The following EEIG1 variants were observed in gnomAD, a reference collection of about 807,000 sequenced individuals.
The protein encoded by EEIG1 is early estrogen-induced gene 1 protein.
At chr9:127,944,848 C>T in the EEIG1 span, 11 of 1,612,452 alleles carry the variant, frequency 6.8e-6, no homozygotes, top group Admixed American at 1.7e-5. Flanking sequence ...CGCATCGATC[C>T]GCGTGTCGTC....
the EEIG1 span, chr9:127,944,963 G>A: frequency 3.3e-3 from 5,087 of 1,561,272 alleles, 234 homozygotes; most frequent in East Asian, 0.09. Context: ...AGCACAGAAC[G>A]ACGACAATAA....
chr9:127,980,852 G>A, the EEIG1 span, among the ~76,000 whole-genome samples: 2 of 149,198 alleles, frequency 1.3e-5, no homozygotes, highest in East Asian at 3.9e-4. Context: ...CGCGCCGCGG[G>A]CCCCGGCGGA....
the EEIG1 span, chr9:127,944,210 G>A: frequency 7.6e-6 from 2 of 263,142 alleles, no homozygotes; most frequent in Non-Finnish European, 1.5e-5. Context: ...GTGCCTAGCT[G>A]GTGCTAGGGA....
chr9:127,942,734 G>A, the EEIG1 span: 1 of 178,126 alleles, frequency 5.6e-6, no homozygotes, highest in Admixed American at 5.6e-5. Flanking sequence ...GGGAACAACG[G>A]AGCAAGGCCC....
the EEIG1 span, among the ~76,000 whole-genome samples, chr9:127,964,207 T>C: frequency 1.3e-5 from 2 of 152,308 alleles, no homozygotes; most frequent in East Asian, 3.9e-4. Flanking sequence ...ACCCATCACA[T>C]GGGGCTGTTG....
chr9:127,972,205 A>G, the EEIG1 span, among the ~76,000 whole-genome samples: 1 of 152,074 alleles, frequency 6.6e-6, no homozygotes, highest in Non-Finnish European at 1.5e-5. The surrounding 1 kb of genome is among the most constrained non-coding windows in gnomAD (Gnocchi z 4.3). Flanking sequence ...ACAGCCAAGC[A>G]TCTCCCTGTG....
chr9:127,968,342 C>T, the EEIG1 span, among the ~76,000 whole-genome samples: 2 of 152,138 alleles, frequency 1.3e-5, no homozygotes, highest in Admixed American at 1.3e-4. Flanking sequence ...CCCTCCATCC[C>T]AGCCCATCCC....
chr9:127,976,118 T>C, the EEIG1 span, among the ~76,000 whole-genome samples: 2 of 152,292 alleles, frequency 1.3e-5, no homozygotes, highest in African/African-American at 4.8e-5. This position sits in a 1 kb window ranked among gnomAD's most constrained non-coding sequence, Gnocchi z 4.1. Flanking sequence ...ACCCAATCCA[T>C]GGAATGGAGC....
chr9:127,944,918 G>T, the EEIG1 span: 1 of 1,607,406 alleles, frequency 6.2e-7, no homozygotes, highest in Non-Finnish European at 8.5e-7. Flanking sequence ...GTCGTGGGGG[G>T]ACAAGTCACA....
chr9:127,949,950 C>T, the EEIG1 span, among the ~76,000 whole-genome samples: 708 of 152,350 alleles, frequency 4.6e-3, 35 homozygotes, highest in East Asian at 0.084. Context: ...CAGGCTACCA[C>T]GTGTCACTTG....
At chr9:127,971,020 G>A in the EEIG1 span, among the ~76,000 whole-genome samples, 1 of 152,162 alleles carries the variant, frequency 6.6e-6, no homozygotes. Context: ...AATTTGTCTG[G>A]GGGGAGCCTA....
At chr9:127,952,944 T>C in the EEIG1 span, among the ~76,000 whole-genome samples, 1 of 152,254 alleles carries the variant, frequency 6.6e-6, no homozygotes, top group Non-Finnish European at 1.5e-5. Context: ...CTTGAACTCC[T>C]GAGCTCAGGC....
At chr9:127,950,670 C>T in the EEIG1 span, 7 of 1,454,328 alleles carry the variant, frequency 4.8e-6, no homozygotes, top group Admixed American at 1.0e-4. Flanking sequence ...CCCACAGCCT[C>T]GACTGACTGT....
At chr9:127,973,687 C>T in the EEIG1 span, among the ~76,000 whole-genome samples, 1 of 152,340 alleles carries the variant, frequency 6.6e-6, no homozygotes, top group South Asian at 2.1e-4. This position sits in a 1 kb window ranked among gnomAD's most constrained non-coding sequence, Gnocchi z 4.2. Context: ...CAGCAGATGG[C>T]CTGGTACCAC....
chr9:127,975,302 T>A, the EEIG1 span, among the ~76,000 whole-genome samples: 1 of 152,092 alleles, frequency 6.6e-6, no homozygotes, highest in African/African-American at 2.4e-5. Flanking sequence ...GCAGGCAGCA[T>A]CTTTGTGGTG....
chr9:127,980,073 G>C, the EEIG1 span: 19 of 1,613,896 alleles, frequency 1.2e-5, no homozygotes, highest in Admixed American at 2.8e-4. Context: ...GGGAACCGCA[G>C]TCAGCTCCTC....
the EEIG1 span, among the ~76,000 whole-genome samples, chr9:127,971,523 C>T: frequency 8.6e-6 from 1 of 116,254 alleles, no homozygotes; most frequent in African/African-American, 3.3e-5. Flanking sequence ...ACTGACACCT[C>T]GGGCCTGAAG....
the EEIG1 span, among the ~76,000 whole-genome samples, chr9:127,979,351 A>G: frequency 6.6e-6 from 1 of 152,244 alleles, no homozygotes; most frequent in Admixed American, 6.5e-5. Context: ...GCATTCAGCA[A>G]CAAGCTGGGC....
chr9:127,970,950 C>A, the EEIG1 span, among the ~76,000 whole-genome samples: 1 of 152,230 alleles, frequency 6.6e-6, no homozygotes, highest in African/African-American at 2.4e-5. Flanking sequence ...GAGGGCCCTG[C>A]AGGGGTGGGG....
Sources: gnomAD v4.1 joint callset for allele counts (sites outside exome capture counted in the v4.1 genomes callset) on GRCh38, gnomAD v4.1.1 for gene constraint, Gnocchi (gnomAD v3.1) non-coding constraint, MANE v1.5 for transcripts, NCBI Gene and HGNC (gene_info 2026-07-23, HGNC 2026-07-21) for gene names.